The following LINGO2 variants were observed in gnomAD, a reference collection of about 807,000 sequenced individuals.
LINGO2 encodes leucine rich repeat and Ig domain containing 2.
Under a neutral mutation model 30.6 loss-of-function variants are expected in LINGO2, and 14 were observed. The ratio of observed to expected loss-of-function variants is 0.46; its 90% CI spans 0.30 to 0.72. LINGO2 has a LOEUF of 0.72. LINGO2 is among the 30% of genes least tolerant of loss of function. LINGO2 has a pLI of 0.07. For missense variants in LINGO2, 729 were observed against 751.7 expected (o/e 0.97, Z 0.35); for synonymous variants, 317 against 288.5 (o/e 1.10, Z -1.00).
intron 1 of LINGO2, among the ~76,000 whole-genome samples, chr9:28,526,062 A>AAAAAAAAG (rs1821023621): frequency 6.7e-6 from 1 of 149,510 alleles, no homozygotes; most frequent in African/African-American, 2.5e-5. Context: ...TCTCAAAAAA[A>AAAAAAAAG]AAAAAAAAAA....
intron 4 of LINGO2, among the ~76,000 whole-genome samples, chr9:28,144,445 G>T (rs2133512909): frequency 6.6e-6 from 1 of 152,306 alleles, no homozygotes; most frequent in East Asian, 1.9e-4. Context: ...AAAAGTACTA[G>T]TGAGGTGCTT....
the LINGO2 span, among the ~76,000 whole-genome samples, chr9:29,146,755 T>C: frequency 6.6e-6 from 1 of 152,206 alleles, no homozygotes; most frequent in Non-Finnish European, 1.5e-5. Flanking sequence ...TATAATGGAC[T>C]GTCAAAGTGG....
the LINGO2 span, among the ~76,000 whole-genome samples, chr9:29,078,655 C>T: frequency 6.6e-6 from 1 of 151,956 alleles, no homozygotes; most frequent in Non-Finnish European, 1.5e-5. Flanking sequence ...TATACGTACA[C>T]ATATATGCCA....
At chr9:28,737,894 C>T in the LINGO2 span, among the ~76,000 whole-genome samples, 3 of 152,020 alleles carry the variant, frequency 2.0e-5, no homozygotes, top group Non-Finnish European at 2.9e-5. Flanking sequence ...AATGTATCCT[C>T]GAGGGGAAGT....
intron 1 of LINGO2, among the ~76,000 whole-genome samples, chr9:28,619,572 A>G (rs371830474): frequency 1.2e-4 from 19 of 152,154 alleles, no homozygotes; most frequent in Middle Eastern, 3.2e-3. Flanking sequence ...CAAGTGTGTC[A>G]CTGAGAAATA....
the LINGO2 span, among the ~76,000 whole-genome samples, chr9:28,886,098 G>A: frequency 6.6e-6 from 1 of 152,058 alleles, no homozygotes; most frequent in Non-Finnish European, 1.5e-5. Context: ...ACCTAGAATT[G>A]CTTTAAATTT....
the LINGO2 span, among the ~76,000 whole-genome samples, chr9:28,677,874 G>A: frequency 6.6e-6 from 1 of 151,944 alleles, no homozygotes; most frequent in Admixed American, 6.6e-5. Context: ...TCCAAACCGA[G>A]AAACCAATAC....
chr9:28,070,265 G>C (rs1825435386), intron 4 of LINGO2, among the ~76,000 whole-genome samples: 1 of 151,978 alleles, frequency 6.6e-6, no homozygotes, highest in African/African-American at 2.4e-5. Flanking sequence ...TCATCATGAA[G>C]ACAGTTTTTT....
At chr9:28,079,267 C>A (rs777199218) in intron 4 of LINGO2, among the ~76,000 whole-genome samples, 1 of 152,040 alleles carries the variant, frequency 6.6e-6, no homozygotes, top group Admixed American at 6.5e-5. Context: ...TTTAACTTAG[C>A]AGGCAAAAAC....
At chr9:28,189,337 A>G (rs796192367) in intron 4 of LINGO2, among the ~76,000 whole-genome samples, 237 of 16,244 alleles carry the variant, frequency 0.015, 7 homozygotes, top group Non-Finnish European at 0.018. Context: ...GGGAGGAAGG[A>G]AGGAAGGGAG....
the LINGO2 span, among the ~76,000 whole-genome samples, chr9:29,034,769 G>C: frequency 6.6e-6 from 1 of 152,094 alleles, no homozygotes; most frequent in African/African-American, 2.4e-5. Context: ...CTAATATCCA[G>C]TCTCTGTGTA....
At chr9:28,626,558 A>C (rs148272639) in intron 1 of LINGO2, among the ~76,000 whole-genome samples, 3 of 152,158 alleles carry the variant, frequency 2.0e-5, no homozygotes, top group African/African-American at 7.2e-5. Context: ...TCATTCTTTT[A>C]TACAGATACC....
intron 4 of LINGO2, among the ~76,000 whole-genome samples, chr9:28,261,264 T>A (rs966923796): frequency 1.3e-5 from 2 of 152,070 alleles, no homozygotes; most frequent in East Asian, 3.9e-4. Flanking sequence ...TTAAAAAATA[T>A]CTAAATTAGA....
chr9:28,838,956 G>C, the LINGO2 span, among the ~76,000 whole-genome samples: 2 of 152,208 alleles, frequency 1.3e-5, no homozygotes, highest in African/African-American at 4.8e-5. Flanking sequence ...ACCAGCATGG[G>C]TGCCAGCTCC....
chr9:28,670,621 T>A (rs1056764508), upstream of LINGO2, among the ~76,000 whole-genome samples: 5 of 152,174 alleles, frequency 3.3e-5, no homozygotes, highest in Non-Finnish European at 4.4e-5. Flanking sequence ...CCACATCAAA[T>A]CATTTTTCTA....
intron 4 of LINGO2, among the ~76,000 whole-genome samples, chr9:28,058,796 G>T (rs1265886027): frequency 6.6e-6 from 1 of 152,084 alleles, no homozygotes; most frequent in Non-Finnish European, 1.5e-5. Flanking sequence ...TGGGATTAAT[G>T]ATAGTATAAA....
the LINGO2 span, among the ~76,000 whole-genome samples, chr9:28,830,956 C>G: frequency 1.3e-5 from 2 of 152,204 alleles, no homozygotes; most frequent in Non-Finnish European, 2.9e-5. Flanking sequence ...GGCCTAGCAG[C>G]CCTGGGCTAA....
intron 3 of LINGO2, among the ~76,000 whole-genome samples, chr9:28,325,478 T>C (rs1825194723): frequency 6.6e-6 from 1 of 152,096 alleles, no homozygotes. Context: ...TCATCTTGAA[T>C]TGTAGCTCCC....
intron 4 of LINGO2, among the ~76,000 whole-genome samples, chr9:28,239,616 T>C (rs1821705428): frequency 6.6e-6 from 1 of 152,076 alleles, no homozygotes; most frequent in African/African-American, 2.4e-5. Context: ...AACAGTTGGG[T>C]AGAGAAGGAA....
Sources: allele counts gnomAD v4.1 joint callset (sites outside exome capture counted in the v4.1 genomes callset), GRCh38; gene constraint gnomAD v4.1.1; transcripts MANE v1.5; gene names NCBI Gene and HGNC (gene_info 2026-07-23, HGNC 2026-07-21).